Variants in FNBP1 observed in about 807,000 individuals in gnomAD.
FNBP1 encodes formin-binding protein 1.
Under a neutral mutation model 90.6 loss-of-function variants are expected in FNBP1, and 26 were observed. The observed-to-expected ratio is 0.29, with a 90% CI of 0.21 to 0.40. The LOEUF is 0.40. Among genes scored for constraint, FNBP1 ranks in the 10% least tolerant of loss-of-function variants. The probability of loss-of-function intolerance (pLI) is 1.00; values close to 1 mark genes in which losing one functional copy is unlikely to be tolerated. For synonymous variants in FNBP1, 260 were observed against 265.2 expected (o/e 0.98, Z 0.19); for missense variants, 635 against 768.0 (o/e 0.83, Z 2.05).
the FNBP1 span, among the ~76,000 whole-genome samples, chr9:130,052,614 A>C: frequency 6.6e-6 from 1 of 151,586 alleles, no homozygotes; most frequent in African/African-American, 2.4e-5. Context: ...TTGTATTTTT[A>C]GTAGAGACGA....
chr9:130,053,869 C>A, the FNBP1 span: 1 of 1,497,788 alleles, frequency 6.7e-7, no homozygotes, highest in South Asian at 1.2e-5. Flanking sequence ...GCCCTTCCGG[C>A]GGCTGCGCCC....
chr9:130,037,054 A>AG (rs1011814013), intron 1 of FNBP1, among the ~76,000 whole-genome samples: 3 of 149,432 alleles, frequency 2.0e-5, no homozygotes, highest in Non-Finnish European at 4.5e-5. Flanking sequence ...CAAAAAAAAA[A>AG]AAAGAAAAAG....
At chr9:129,925,589 C>CTTTTTTTTTTTTTTTTTTT (rs576015094) in intron 8 of FNBP1, among the ~76,000 whole-genome samples, 1 of 67,114 alleles carries the variant, frequency 1.5e-5, no homozygotes, top group Non-Finnish European at 2.6e-5. Context: ...TTCCTAGTAG[C>CTTTTTTTTTTTTTTTTTTT]TTTTTTTTTT....
intron 10 of FNBP1, among the ~76,000 whole-genome samples, chr9:129,917,302 A>G (rs556418934): frequency 6.6e-6 from 1 of 152,104 alleles, no homozygotes; most frequent in African/African-American, 2.4e-5. Flanking sequence ...TACTGTGCCC[A>G]GCTGTGACTG....
At chr9:129,913,546 G>A (rs1009443583) in intron 11 of FNBP1, among the ~76,000 whole-genome samples, 2 of 152,006 alleles carry the variant, frequency 1.3e-5, no homozygotes, top group Non-Finnish European at 1.5e-5. Flanking sequence ...TGAGGTGGGC[G>A]GATCACCTGA....
At chr9:130,052,577 C>T in the FNBP1 span, among the ~76,000 whole-genome samples, 2 of 151,852 alleles carry the variant, frequency 1.3e-5, no homozygotes, top group African/African-American at 4.8e-5. Flanking sequence ...GGACTACAGG[C>T]GCGCGGCCGT....
rs1221642505 is a variant in FNBP1, at chr9:129,957,763, TG to T, written c.409-300del. On this transcript the variant is annotated intron_variant, in intron 5 of 16. Transcript: ENST00000446176. The surrounding 1 kb of genome is among the most constrained non-coding windows in gnomAD (Gnocchi z 4.3). ...AGACTAGGTTTTGTCATGTTGCCCA[TG>T]CTGGTCTTGAGCTTCTGAGCTCAAG... Among the ~76,000 whole-genome samples, 1 of 151,686 alleles carries T rather than the reference TG, an allele frequency of 6.6e-6. No individual in the cohort carries two copies. The highest frequency in any genetic ancestry group is 2.0e-4 in the East Asian group (1 of 5,100).
At chr9:129,961,038 C>T (rs11793982) in intron 4 of FNBP1, among the ~76,000 whole-genome samples, 10,513 of 152,014 alleles carry the variant, frequency 0.069, 485 homozygotes, top group Admixed American at 0.12. Flanking sequence ...ACTAGCCGAG[C>T]GTGGTGGCTC....
intron 10 of FNBP1, among the ~76,000 whole-genome samples, chr9:129,918,156 C>T (rs775403385): frequency 1.3e-5 from 2 of 152,144 alleles, no homozygotes; most frequent in Non-Finnish European, 2.9e-5. Context: ...ATAGTAAAAA[C>T]GAGTCATTAG....
intron 11 of FNBP1, among the ~76,000 whole-genome samples, chr9:129,912,223 G>A (rs918483836): frequency 6.6e-6 from 1 of 152,122 alleles, no homozygotes; most frequent in Non-Finnish European, 1.5e-5. Flanking sequence ...TTGATATATA[G>A]CGGAAGCCTC....
chr9:129,954,077 A>G (rs530396098), intron 6 of FNBP1, among the ~76,000 whole-genome samples: 1 of 152,086 alleles, frequency 6.6e-6, no homozygotes, highest in East Asian at 1.9e-4. Flanking sequence ...CGTATCCAGA[A>G]AAAAAGAAAA....
intron 2 of FNBP1, among the ~76,000 whole-genome samples, chr9:129,992,300 A>G (rs994376805): frequency 2.6e-5 from 4 of 152,162 alleles, no homozygotes; most frequent in Non-Finnish European, 4.4e-5. Context: ...CAAATAATCA[A>G]CGTGAAACAG....
chr9:129,934,522 TA>T (rs1485213195), intron 6 of FNBP1, among the ~76,000 whole-genome samples: 10 of 151,974 alleles, frequency 6.6e-5, no homozygotes, highest in African/African-American at 2.4e-4. Flanking sequence ...CTCCCTCAAA[TA>T]AATCCAAACA....
intron 10 of FNBP1, among the ~76,000 whole-genome samples, chr9:129,918,044 ACTCGGCTACTTT>A (rs1317380250): frequency 6.6e-6 from 1 of 152,200 alleles, no homozygotes; most frequent in East Asian, 1.9e-4. Flanking sequence ...TTTGCTCTCT[ACTCGGCTACTTT>A]CTTTACGCAA....
At chr9:130,014,235 AT>A (rs1018460242) in intron 1 of FNBP1, among the ~76,000 whole-genome samples, 30 of 148,520 alleles carry the variant, frequency 2.0e-4, no homozygotes, top group African/African-American at 7.2e-4. Context: ...TCTATTTCTT[AT>A]TTCTTTCTTT....
chr9:129,893,309 C>G (rs983787325), intron 16 of FNBP1, among the ~76,000 whole-genome samples: 1 of 151,548 alleles, frequency 6.6e-6, no homozygotes, highest in African/African-American at 2.4e-5. Flanking sequence ...CAAAAGTATC[C>G]AAAAGAAATT....
chr9:129,998,468 G>A (rs972470500), intron 1 of FNBP1, among the ~76,000 whole-genome samples: 4 of 150,994 alleles, frequency 2.6e-5, no homozygotes, highest in Non-Finnish European at 3.0e-5. Flanking sequence ...GAGCCAAGAC[G>A]GGGCCATTGC....
At chr9:130,002,739 A>G (rs922084912) in intron 1 of FNBP1, among the ~76,000 whole-genome samples, 10 of 152,142 alleles carry the variant, frequency 6.6e-5, no homozygotes, top group Admixed American at 1.3e-4. Flanking sequence ...TATAACCCAT[A>G]CTTTCAACTA....
At chr9:130,019,513 G>A (rs1220291955) in intron 1 of FNBP1, among the ~76,000 whole-genome samples, 1 of 152,144 alleles carries the variant, frequency 6.6e-6, no homozygotes, top group African/African-American at 2.4e-5. Flanking sequence ...GTAACTTGCT[G>A]AAGTTTACAA....
Sources: gnomAD v4.1 joint callset for allele counts (sites outside exome capture counted in the v4.1 genomes callset) on GRCh38, gnomAD v4.1.1 for gene constraint, Gnocchi (gnomAD v3.1) non-coding constraint, MANE v1.5 for transcripts, NCBI Gene and HGNC (gene_info 2026-07-23, HGNC 2026-07-21) for gene names.